UNC5D: variants seen among roughly 807,000 people sequenced by gnomAD.
The protein encoded by UNC5D is netrin receptor UNC5D.
UNC5D carries 39 observed loss-of-function variants against 105.4 expected under a neutral mutation model. That is an observed-to-expected ratio of 0.37 (90% CI 0.29 to 0.48). The LOEUF (loss-of-function observed/expected upper bound fraction) is 0.48. Among genes scored for constraint, UNC5D ranks in the 20% least tolerant of loss-of-function variants. The pLI is 0.98. For synonymous variants in UNC5D, 452 were observed against 450.4 expected (o/e 1.00, Z -0.04); for missense variants, 991 against 1,202.4 (o/e 0.82, Z 2.60).
At position 35,235,900 on chromosome 8, in the gene UNC5D, CG is replaced by C; in HGVS notation, c.103+15del. ...GCGGCTGCCCGAGGTAAGCGCTGGGCGGAGCGGGCAGCTGGGGGCGAGGGCG... is the reference window on the plus strand; with the variant it reads ...GCGGCTGCCCGAGGTAAGCGCTGGGCGAGCGGGCAGCTGGGGGCGAGGGCG... On this transcript the variant is annotated intron_variant, in intron 1 of 16. Transcript: ENST00000404895. 1 of 1,210,076 alleles carries C rather than the reference CG, an allele frequency of 8.3e-7. No homozygotes were observed. The highest frequency in any genetic ancestry group is 1.0e-6 in the Non-Finnish European group (1 of 979,798). 75.0% of individuals were successfully genotyped at this position (1,210,076 alleles called of 1,614,324 possible). A position where few individuals can be genotyped will look rare whatever the true frequency, so the allele number is the denominator to read the frequency against.
At chr8:35,683,354 G>A (rs1825800293) in intron 4 of UNC5D, among the ~76,000 whole-genome samples, 193 bp from the exon 5 acceptor site, 1 of 152,138 alleles carries the variant, frequency 6.6e-6, no homozygotes, top group East Asian at 1.9e-4. Flanking sequence ...TTATTAGCTT[G>A]AGTATCCATT....
At chr8:35,382,734 T>C (rs1339092786) in intron 1 of UNC5D, among the ~76,000 whole-genome samples, 2 of 152,194 alleles carry the variant, frequency 1.3e-5, no homozygotes, top group Non-Finnish European at 2.9e-5. Context: ...AAGAAGGGCA[T>C]TAACACTCGC....
chr8:35,519,905 C>T (rs1286280274), intron 1 of UNC5D, among the ~76,000 whole-genome samples: 3 of 152,014 alleles, frequency 2.0e-5, no homozygotes, highest in Non-Finnish European at 4.4e-5. Flanking sequence ...ATCAAAAAGA[C>T]AGATGATAAT....
intron 8 of UNC5D, among the ~76,000 whole-genome samples, chr8:35,716,538 C>A (rs1394279378): frequency 6.6e-6 from 1 of 152,176 alleles, no homozygotes; most frequent in Non-Finnish European, 1.5e-5. Context: ...AATTCTCTCA[C>A]CTCAGTTTAC....
At chr8:35,374,949 T>C (rs1802615895) in intron 1 of UNC5D, among the ~76,000 whole-genome samples, 1 of 152,200 alleles carries the variant, frequency 6.6e-6, no homozygotes, top group Non-Finnish European at 1.5e-5. Context: ...AAATTAGTTT[T>C]ATTATAAGGA....
intron 8 of UNC5D, among the ~76,000 whole-genome samples, chr8:35,715,394 G>A (rs1272517918): frequency 1.3e-5 from 2 of 152,134 alleles, no homozygotes; most frequent in Non-Finnish European, 2.9e-5. Context: ...AGACAAGCTT[G>A]CTTTTTGCAT....
intron 4 of UNC5D, among the ~76,000 whole-genome samples, chr8:35,631,084 G>T (rs549814550): frequency 5.3e-5 from 8 of 152,320 alleles, no homozygotes; most frequent in African/African-American, 1.9e-4. Flanking sequence ...AGGCCAAATA[G>T]GGCAGATTGC....
intron 1 of UNC5D, among the ~76,000 whole-genome samples, chr8:35,525,014 T>A (rs1813764602): frequency 7.0e-6 from 1 of 143,184 alleles, no homozygotes; most frequent in Non-Finnish European, 1.5e-5. Context: ...TCTTTTTTGT[T>A]GGGTGTTTTG....
At chr8:35,455,259 G>A (rs79886062) in intron 1 of UNC5D, among the ~76,000 whole-genome samples, 1,612 of 150,430 alleles carry the variant, frequency 0.011, 34 homozygotes, top group African/African-American at 0.037. Flanking sequence ...ATAAAATAAA[G>A]TTTTATAGCT....
At chr8:35,715,928 G>C (rs1398404481) in intron 8 of UNC5D, among the ~76,000 whole-genome samples, 2 of 152,136 alleles carry the variant, frequency 1.3e-5, no homozygotes, top group African/African-American at 4.8e-5. Flanking sequence ...TTGAAGGAAA[G>C]GAACAAAGTT....
intron 1 of UNC5D, chr8:35,525,885 A>C (rs1813836787): frequency 9.9e-7 from 1 of 1,010,068 alleles, no homozygotes; most frequent in Admixed American, 2.9e-5. Context: ...TAAAAAAGAA[A>C]ATTTTCTTTT....
chr8:35,600,118 C>T (rs1819759355), intron 4 of UNC5D, among the ~76,000 whole-genome samples: 1 of 152,134 alleles, frequency 6.6e-6, no homozygotes, highest in Non-Finnish European at 1.5e-5. Context: ...CATGTCCCTA[C>T]AAAGGACATG....
chr8:35,445,832 A>C (rs1292805437), intron 1 of UNC5D, among the ~76,000 whole-genome samples: 2 of 152,116 alleles, frequency 1.3e-5, no homozygotes, highest in East Asian at 3.9e-4. Flanking sequence ...TGATTAATAC[A>C]TCTGTAGTAT....
intron 1 of UNC5D, among the ~76,000 whole-genome samples, chr8:35,286,609 G>A (rs929063421): frequency 5.3e-5 from 8 of 152,120 alleles, no homozygotes; most frequent in African/African-American, 1.9e-4. Flanking sequence ...CCCAAGCCTA[G>A]CAGTGAAGAG....
intron 4 of UNC5D, among the ~76,000 whole-genome samples, chr8:35,625,548 G>A (rs748840654): frequency 5.3e-5 from 8 of 152,208 alleles, no homozygotes; most frequent in Non-Finnish European, 1.0e-4. Context: ...TACACATACT[G>A]TAAAATGTAA....
At chr8:35,398,187 AT>A (rs1804220450) in intron 1 of UNC5D, among the ~76,000 whole-genome samples, 1 of 152,218 alleles carries the variant, frequency 6.6e-6, no homozygotes, top group South Asian at 2.1e-4. Context: ...AGGGGATGTT[AT>A]TTATAATCAT....
At chr8:35,535,431 G>T (rs937360615) in intron 1 of UNC5D, among the ~76,000 whole-genome samples, 2 of 149,346 alleles carry the variant, frequency 1.3e-5, no homozygotes, top group African/African-American at 2.5e-5. Flanking sequence ...TGTTGTTGTT[G>T]TTGCTGTTTT....
chr8:35,616,547 G>A (rs1217710516), intron 4 of UNC5D, among the ~76,000 whole-genome samples: 1 of 152,140 alleles, frequency 6.6e-6, no homozygotes, highest in African/African-American at 2.4e-5. Flanking sequence ...ACTACTTTCA[G>A]CTTCTAGAGA....
intron 1 of UNC5D, among the ~76,000 whole-genome samples, chr8:35,250,349 A>C (rs563153936): frequency 2.6e-5 from 4 of 152,226 alleles, no homozygotes; most frequent in Admixed American, 1.3e-4. Context: ...CCATGGATTT[A>C]TTTATTTATT....
Sources: allele counts gnomAD v4.1 joint callset (sites outside exome capture counted in the v4.1 genomes callset), GRCh38; gene constraint gnomAD v4.1.1; transcripts MANE v1.5; gene names NCBI Gene and HGNC (gene_info 2026-07-23, HGNC 2026-07-21).